Variants in XPO6 observed in about 807,000 individuals in gnomAD.
XPO6 encodes the protein exportin 6.
In XPO6, 3 loss-of-function variants were observed where a neutral mutation model predicts 130.0. The observed-to-expected ratio is 0.02, with a 90% CI of 0.01 to 0.06. XPO6 has a LOEUF of 0.06. XPO6 is among the 10% of genes least tolerant of loss of function. The probability of loss-of-function intolerance (pLI) is 1.00; values close to 1 mark genes in which losing one functional copy is unlikely to be tolerated. For synonymous variants in XPO6, 524 were observed against 548.9 expected, an observed-to-expected ratio of 0.95 and a Z score of 0.63; for missense variants, 970 against 1,393.0, an observed-to-expected ratio of 0.70 and a Z score of 4.83.
chr16:28,199,713 CCCA>C (rs1033083642), intron 1 of XPO6, among the ~76,000 whole-genome samples: 1 of 152,004 alleles, frequency 6.6e-6, no homozygotes, highest in Non-Finnish European at 1.5e-5. Flanking sequence ...ATTACAGGCA[CCCA>C]CCACCACACC....
At chr16:28,141,521 G>C (rs563197949) in intron 9 of XPO6, among the ~76,000 whole-genome samples, 2 of 152,180 alleles carry the variant, frequency 1.3e-5, no homozygotes, top group African/African-American at 4.8e-5. Context: ...GCACAAACAA[G>C]GAAAGGGAAA....
chr16:28,098,551 G>A lies in XPO6; in HGVS notation c.3365C>T (p.Thr1122Ile). The change falls in exon 24 of 24, where the codon ACT (threonine) becomes ATT (isoleucine). Residue 1122 changes from threonine to isoleucine, a missense_variant. Transcript: ENST00000304658. ...RLCNDSLPPG[T>I]VKL ...GCAGTAGCAGGCCTAGAGCTTCACAGTGCCAGGGGGCAGGCTGTCGTTGCA... is the reference window on the plus strand; with the variant it reads ...GCAGTAGCAGGCCTAGAGCTTCACAATGCCAGGGGGCAGGCTGTCGTTGCA... The A allele has an allele frequency of 6.2e-7, 1 of 1,612,110 alleles. No homozygotes were observed. The highest frequency in any genetic ancestry group is 8.5e-7 in the Non-Finnish European group (1 of 1,178,744).
intron 13 of XPO6, among the ~76,000 whole-genome samples, 195 bp downstream of exon 13, chr16:28,125,494 T>C (rs1193639314): frequency 6.6e-6 from 1 of 152,238 alleles, no homozygotes; most frequent in Non-Finnish European, 1.5e-5. Context: ...AAACAACATC[T>C]ACTTCATATT....
chr16:28,207,583 A>C (rs1299791067), intron 1 of XPO6, among the ~76,000 whole-genome samples: 1 of 152,248 alleles, frequency 6.6e-6, no homozygotes, highest in East Asian at 1.9e-4. Flanking sequence ...GGGATAGTGT[A>C]AACAAAATTC....
chr16:28,200,514 G>A (rs777171346), intron 1 of XPO6, among the ~76,000 whole-genome samples: 54 of 149,854 alleles, frequency 3.6e-4, no homozygotes, highest in South Asian at 1.1e-3. Flanking sequence ...ACGGAGTTTC[G>A]TCTGTCACCC....
At chr16:28,111,255 A>T (rs1187068720) in intron 17 of XPO6, 1 of 152,158 alleles carries the variant, frequency 6.6e-6, no homozygotes, top group African/African-American at 2.4e-5. Context: ...TTTTTAAAAT[A>T]TTTCGGTACT....
chr16:28,149,611 T>C (rs1287224640), intron 8 of XPO6, among the ~76,000 whole-genome samples: 3 of 152,052 alleles, frequency 2.0e-5, no homozygotes, highest in Non-Finnish European at 1.5e-5. Flanking sequence ...AATAGTAGAG[T>C]AGTACTCTAC....
At chr16:28,158,327 C>T (rs946850001) in intron 6 of XPO6, among the ~76,000 whole-genome samples, 3 of 152,118 alleles carry the variant, frequency 2.0e-5, no homozygotes, top group African/African-American at 2.4e-5. Flanking sequence ...TCCAAGTGTA[C>T]AATGGAGCTT....
intron 17 of XPO6, 69 bp from the exon 18 acceptor site, chr16:28,107,746 G>A: frequency 1.9e-6 from 3 of 1,565,300 alleles, no homozygotes; most frequent in Non-Finnish European, 2.6e-6. Context: ...GAGACACAAG[G>A]GAGAGGGAGG....
intron 8 of XPO6, among the ~76,000 whole-genome samples, chr16:28,148,132 T>C (rs917295897): frequency 6.6e-6 from 1 of 152,236 alleles, no homozygotes; most frequent in Non-Finnish European, 1.5e-5. Flanking sequence ...CAGATGCATA[T>C]GGAAGTGCCT....
intron 15 of XPO6, among the ~76,000 whole-genome samples, chr16:28,114,962 C>G (rs1469294567): frequency 6.6e-6 from 1 of 152,206 alleles, no homozygotes; most frequent in East Asian, 1.9e-4. Flanking sequence ...TTACAAGAAG[C>G]AAGTCCCCAT....
At chr16:28,146,592 C>T (rs75189331) in intron 8 of XPO6, among the ~76,000 whole-genome samples, 3,317 of 152,202 alleles carry the variant, frequency 0.022, 106 homozygotes, top group African/African-American at 0.075. Flanking sequence ...AAAACAAGTC[C>T]CTTTACCCCC....
chr16:28,106,201 C>T lies in XPO6; in HGVS notation c.2626G>A (p.Glu876Lys), dbSNP rs775697731. The change falls in exon 20 of 24, where the codon GAG becomes AAG. Residue 876 changes from glutamate to lysine, a missense_variant. Glu to Lys is a moderately conservative substitution (Grantham distance 56). Around this residue, in one of 4 missense-constraint regions of XPO6, gnomAD observed 936 missense variants for 1,306.8 expected, o/e 0.72. Coordinates refer to ENST00000304658, the MANE Select transcript of XPO6 (RefSeq NM_015171.4). This position sits in a 1 kb window ranked among gnomAD's most constrained non-coding sequence, Gnocchi z 4.2. ...GTGCTGCCCTCGTGGAGGATGCTCTCGGCTAACTGCTCTCTACAGAGGAGA... is the reference window on the plus strand; with the variant it reads ...GTGCTGCCCTCGTGGAGGATGCTCTTGGCTAACTGCTCTCTACAGAGGAGA... ...LNMFTREQLAESILHEGSTGC... is the reference protein window; with the variant it reads ...LNMFTREQLAKSILHEGSTGC... 1.9e-6 allele frequency: 3 copies of T among 1,614,020 alleles called. No homozygotes were observed.
At chr16:28,170,837 A>C (rs2043437609) in intron 4 of XPO6, among the ~76,000 whole-genome samples, 1 of 152,350 alleles carries the variant, frequency 6.6e-6, no homozygotes, top group South Asian at 2.1e-4. Context: ...CAAGACAAAA[A>C]AAGTACGCCT....
chr16:28,119,767 A>G (rs1567602053), intron 14 of XPO6, among the ~76,000 whole-genome samples: 1 of 152,212 alleles, frequency 6.6e-6, no homozygotes, highest in Non-Finnish European at 1.5e-5. Flanking sequence ...GTTGATAATG[A>G]TATCATAGTT....
chr16:28,190,330 G>A (rs1011228823), intron 1 of XPO6, among the ~76,000 whole-genome samples: 9 of 151,274 alleles, frequency 5.9e-5, no homozygotes, highest in East Asian at 1.9e-4. Flanking sequence ...AGCAATTCTC[G>A]TGTCTCAGCC....
intron 6 of XPO6, among the ~76,000 whole-genome samples, chr16:28,163,073 A>C (rs545256491): frequency 1.3e-5 from 2 of 152,224 alleles, no homozygotes; most frequent in Admixed American, 1.3e-4. Flanking sequence ...GCGTTAACCT[A>C]AATTTCTCCA....
intron 13 of XPO6, among the ~76,000 whole-genome samples, chr16:28,123,630 G>A (rs1359944025): frequency 6.6e-6 from 1 of 152,200 alleles, no homozygotes; most frequent in Non-Finnish European, 1.5e-5. Flanking sequence ...AGCACTTCCG[G>A]TCAGTCAAGA....
intron 4 of XPO6, among the ~76,000 whole-genome samples, chr16:28,171,072 CTTT>C (rs75349360): frequency 2.8e-5 from 4 of 142,810 alleles, no homozygotes. Context: ...CCCTGACACA[CTTT>C]TTTTTTTTTT....
Sources: gnomAD v4.1 joint callset for allele counts (sites outside exome capture counted in the v4.1 genomes callset) on GRCh38, gnomAD v4.1.1 for gene constraint, gnomAD v4.1.1 regional missense constraint, Gnocchi (gnomAD v3.1) non-coding constraint, MANE v1.5 for transcripts, NCBI Gene and HGNC (gene_info 2026-07-23, HGNC 2026-07-21) for gene names.